ARHGAP15: variants seen among roughly 807,000 people sequenced by gnomAD.
ARHGAP15 encodes the protein Rho GTPase activating protein 15.
A neutral mutation model predicts 63.7 loss-of-function variants in ARHGAP15; 51 were observed. That is an observed-to-expected ratio of 0.80 (90% confidence interval 0.64 to 1.01). The LOEUF (loss-of-function observed/expected upper bound fraction) is 1.01, where lower values mean the gene tolerates loss of function less well. ARHGAP15 is among the 50% of genes least tolerant of loss of function. The pLI is 0.00. For synonymous variants in ARHGAP15, 191 were observed against 193.8 expected, an observed-to-expected ratio of 0.99 and a Z score of 0.12; for missense variants, 560 against 564.6, an observed-to-expected ratio of 0.99 and a Z score of 0.08.
At chr2:143,367,187 T>G (rs1254095565) in intron 6 of ARHGAP15, among the ~76,000 whole-genome samples, 1 of 152,074 alleles carries the variant, frequency 6.6e-6, no homozygotes, top group Non-Finnish European at 1.5e-5. Context: ...CTGTGTTTGC[T>G]TCATCAACCT....
intron 6 of ARHGAP15, among the ~76,000 whole-genome samples, chr2:143,284,991 A>G (rs1682024528): frequency 6.6e-6 from 1 of 152,176 alleles, no homozygotes; most frequent in African/African-American, 2.4e-5. Flanking sequence ...AATAAATATT[A>G]CAGACTTCTA....
chr2:143,702,361 C>T (rs1259430175), intron 12 of ARHGAP15, among the ~76,000 whole-genome samples: 2 of 152,082 alleles, frequency 1.3e-5, no homozygotes, highest in Non-Finnish European at 2.9e-5. Context: ...CAGTTTTGAA[C>T]AACTTCCTAT....
chr2:143,336,381 T>C (rs1236951967), intron 6 of ARHGAP15, among the ~76,000 whole-genome samples: 4 of 152,194 alleles, frequency 2.6e-5, no homozygotes, highest in Non-Finnish European at 5.9e-5. Flanking sequence ...TGCTTGAATG[T>C]ATAAGAACAT....
intron 12 of ARHGAP15, among the ~76,000 whole-genome samples, chr2:143,695,863 C>CA (rs57881769): frequency 0.31 from 41,588 of 134,882 alleles, 7,010 homozygotes; most frequent in Admixed American, 0.42. Context: ...CCTTGTCTAC[C>CA]AAAAAAAAAA....
At chr2:143,633,702 C>A (rs961003392) in intron 12 of ARHGAP15, among the ~76,000 whole-genome samples, 1 of 152,102 alleles carries the variant, frequency 6.6e-6, no homozygotes, top group African/African-American at 2.4e-5. Context: ...CGCAAAATTT[C>A]TCCTCAAAAC....
chr2:143,439,132 A>C (rs1689745804), intron 8 of ARHGAP15, among the ~76,000 whole-genome samples: 1 of 152,098 alleles, frequency 6.6e-6, no homozygotes, highest in Non-Finnish European at 1.5e-5. Context: ...CCTACTTAAA[A>C]ACAAGGGAGG....
At chr2:143,455,153 T>C (rs540724959) in intron 8 of ARHGAP15, among the ~76,000 whole-genome samples, 1 of 152,184 alleles carries the variant, frequency 6.6e-6, no homozygotes, top group South Asian at 2.1e-4. Flanking sequence ...GGCTGCTGGT[T>C]GGCTATTTTT....
chr2:143,668,293 T>TC (rs1682338383), intron 12 of ARHGAP15, among the ~76,000 whole-genome samples: 1 of 149,280 alleles, frequency 6.7e-6, no homozygotes, highest in Admixed American at 6.7e-5. Flanking sequence ...TTTTTTTTTT[T>TC]CTTTTTTGAT....
chr2:143,223,158 T>C (rs1322119492), intron 4 of ARHGAP15, among the ~76,000 whole-genome samples: 1 of 151,966 alleles, frequency 6.6e-6, no homozygotes, highest in African/African-American at 2.4e-5. Context: ...CTGTTTTTAG[T>C]ATACTGGGTT....
intron 6 of ARHGAP15, among the ~76,000 whole-genome samples, chr2:143,320,587 C>T (rs1343119131): frequency 6.6e-6 from 1 of 152,056 alleles, no homozygotes; most frequent in Non-Finnish European, 1.5e-5. Flanking sequence ...TCTAACTGGG[C>T]TAAGCAAAGG....
intron 8 of ARHGAP15, among the ~76,000 whole-genome samples, chr2:143,483,078 A>G (rs188929434): frequency 6.6e-6 from 1 of 152,370 alleles, no homozygotes; most frequent in African/African-American, 2.4e-5. Flanking sequence ...CTAGTTTCTC[A>G]GTATGTATGA....
intron 6 of ARHGAP15, among the ~76,000 whole-genome samples, chr2:143,347,469 T>G (rs1685348219): frequency 6.6e-6 from 1 of 152,116 alleles, no homozygotes; most frequent in African/African-American, 2.4e-5. Context: ...TTTCTTTCTC[T>G]GTGATGGGTT....
At chr2:143,150,543 G>A (rs1689773601) in intron 1 of ARHGAP15, among the ~76,000 whole-genome samples, 1 of 151,992 alleles carries the variant, frequency 6.6e-6, no homozygotes, top group Non-Finnish European at 1.5e-5. Context: ...AGGTATTCTT[G>A]CTCTTCTGTT....
chr2:143,650,624 T>C (rs1681115509), intron 12 of ARHGAP15, among the ~76,000 whole-genome samples: 1 of 151,932 alleles, frequency 6.6e-6, no homozygotes, highest in African/African-American at 2.4e-5. Flanking sequence ...GAAAGCACCT[T>C]TGCCTTGTTT....
chr2:143,459,498 A>C (rs569286035), intron 8 of ARHGAP15, among the ~76,000 whole-genome samples: 1 of 152,202 alleles, frequency 6.6e-6, no homozygotes, highest in Non-Finnish European at 1.5e-5. Context: ...ATTTCATTGC[A>C]TCATAATCAT....
chr2:143,441,119 T>C (rs761894741), intron 8 of ARHGAP15, among the ~76,000 whole-genome samples: 2 of 152,058 alleles, frequency 1.3e-5, no homozygotes, highest in Non-Finnish European at 2.9e-5. Context: ...TTATCCTCCA[T>C]GTCCCCAAGC....
At chr2:143,746,699 A>T (rs1175795077) in intron 13 of ARHGAP15, among the ~76,000 whole-genome samples, 2 of 152,230 alleles carry the variant, frequency 1.3e-5, no homozygotes, top group Admixed American at 1.3e-4. Context: ...AGAGAGTAAA[A>T]CATATGTGAA....
chr2:143,407,330 TTAA>T (rs1309364432), intron 6 of ARHGAP15, among the ~76,000 whole-genome samples: 1 of 151,854 alleles, frequency 6.6e-6, no homozygotes, highest in Admixed American at 6.6e-5. Flanking sequence ...GATGAAGTGT[TTAA>T]TATTTCTGTG....
intron 2 of ARHGAP15, among the ~76,000 whole-genome samples, chr2:143,194,410 A>T (rs1266358034): frequency 1.3e-5 from 2 of 152,200 alleles, no homozygotes; most frequent in Non-Finnish European, 2.9e-5. Flanking sequence ...TAATGGTAGG[A>T]ACTATAGCTT....
Sources: allele counts gnomAD v4.1 joint callset (sites outside exome capture counted in the v4.1 genomes callset), GRCh38; gene constraint gnomAD v4.1.1; transcripts MANE v1.5; gene names NCBI Gene and HGNC (gene_info 2026-07-23, HGNC 2026-07-21).